The following ADAMTSL1 variants were observed in gnomAD, a reference collection of about 807,000 sequenced individuals.
ADAMTSL1 encodes the protein ADAMTS like 1, also known as ADAMTS-like protein 1.
A neutral mutation model predicts 201.8 loss-of-function variants in ADAMTSL1; 126 were observed. That is an observed-to-expected ratio of 0.62 (90% confidence interval 0.54 to 0.72). ADAMTSL1 has a LOEUF of 0.72. ADAMTSL1 is among the 30% of genes least tolerant of loss of function. The pLI is 0.00. For missense variants in ADAMTSL1, 2,679 were observed against 2,277.8 expected (o/e 1.18, Z -3.59); for synonymous variants, 1,121 against 903.4 (o/e 1.24, Z -4.32).
intron 2 of ADAMTSL1, among the ~76,000 whole-genome samples, chr9:18,276,601 G>T (rs1268871454): frequency 3.9e-5 from 6 of 152,222 alleles, no homozygotes; most frequent in Non-Finnish European, 8.8e-5. Flanking sequence ...AGTTCTGCAG[G>T]CTGTACAAGA....
Position 18,117,033 on chromosome 9 carries a change from A to G in ADAMTSL1, c.88-46829A>G, listed in dbSNP as rs138886006. On this transcript the variant is annotated intron_variant, in intron 1 of 29. Transcript: ENST00000680146. ...CATTTGACTTCTCTTTTTTTCTCAT[A>G]CACCTCATCCAGTTCAGCAAAGAAT... 1.8e-4 allele frequency among the ~76,000 whole-genome samples: 27 copies of G among 152,246 alleles called. 1 individual carries two copies. The highest frequency in any genetic ancestry group is 6.8e-3 in the Middle Eastern group (2 of 294).
chr9:17,976,733 G>A (rs1302713506), intron 1 of ADAMTSL1, among the ~76,000 whole-genome samples: 1 of 62,580 alleles, frequency 1.6e-5, no homozygotes, highest in African/African-American at 6.1e-5. Context: ...CTCCCTCCCT[G>A]CCCCCTGCCT....
At chr9:18,099,569 C>CTG (rs1824424144) in intron 1 of ADAMTSL1, among the ~76,000 whole-genome samples, 1 of 147,906 alleles carries the variant, frequency 6.8e-6, no homozygotes, top group Admixed American at 6.8e-5. Flanking sequence ...TTTTTTTTAC[C>CTG]TGTCTTCAAT....
rs1343135637 is a variant in ADAMTSL1, at chr9:18,890,119, G to A, written c.4643+371G>A. ...AAAGCAATGTCTTTTCAATCGAAGG[G>A]CTGAGGAAACAACGATTACTGGGTT... is the stretch of plus-strand genomic sequence containing the variant. On this transcript the variant is annotated intron_variant, in intron 25 of 28. Transcript: ENST00000380548. 2.0e-5 allele frequency among the ~76,000 whole-genome samples: 3 copies of A among 152,140 alleles called. No individual in the cohort carries two copies. The East Asian group carries it at 5.8e-4, about 29-fold the overall frequency.
At chr9:18,731,178 TC>T (rs1308583461) in intron 15 of ADAMTSL1, among the ~76,000 whole-genome samples, 1 of 152,094 alleles carries the variant, frequency 6.6e-6, no homozygotes, top group Admixed American at 6.6e-5. Context: ...AGCTAAATAT[TC>T]CCCACCAGGA....
At chr9:18,455,519 A>G (rs1820568161) in intron 2 of ADAMTSL1, among the ~76,000 whole-genome samples, 1 of 151,480 alleles carries the variant, frequency 6.6e-6, no homozygotes, top group South Asian at 2.1e-4. Flanking sequence ...TTAAACTCCT[A>G]ATCTTTTTTT....
chr9:18,367,574 T>C (rs1339014080), intron 2 of ADAMTSL1, among the ~76,000 whole-genome samples: 1 of 151,962 alleles, frequency 6.6e-6, no homozygotes, highest in Non-Finnish European at 1.5e-5. Context: ...ATATACTATG[T>C]ATAAATATAT....
At chr9:18,639,885 C>G (rs1404426595) in intron 7 of ADAMTSL1, among the ~76,000 whole-genome samples, 1 of 152,136 alleles carries the variant, frequency 6.6e-6, no homozygotes, top group Non-Finnish European at 1.5e-5. Flanking sequence ...CTTCCCTAGT[C>G]TTCAAGGTAA....
chr9:18,230,160 A>G (rs921795649), intron 2 of ADAMTSL1, among the ~76,000 whole-genome samples: 3 of 152,210 alleles, frequency 2.0e-5, no homozygotes, highest in African/African-American at 7.2e-5. Context: ...GATAAGCAGT[A>G]CAGTAACCCA....
At chr9:18,654,359 T>A (rs1828489323) in intron 7 of ADAMTSL1, among the ~76,000 whole-genome samples, 1 of 152,238 alleles carries the variant, frequency 6.6e-6, no homozygotes, top group Non-Finnish European at 1.5e-5. Flanking sequence ...TATAAAAAGA[T>A]AATGACTCAT....
chr9:18,093,287 C>T (rs1279812781), intron 1 of ADAMTSL1, among the ~76,000 whole-genome samples: 1 of 152,118 alleles, frequency 6.6e-6, no homozygotes, highest in Non-Finnish European at 1.5e-5. Flanking sequence ...GAATTCTTAG[C>T]CCTGTATTTT....
At chr9:18,778,139 C>A (rs1180855368) in intron 19 of ADAMTSL1, among the ~76,000 whole-genome samples, 1 of 152,248 alleles carries the variant, frequency 6.6e-6, no homozygotes, top group East Asian at 1.9e-4. Context: ...GAAATAGCAA[C>A]ATTGCCTACC....
chr9:18,382,060 A>T (rs1186474652), intron 2 of ADAMTSL1, among the ~76,000 whole-genome samples: 2 of 152,182 alleles, frequency 1.3e-5, no homozygotes, highest in Non-Finnish European at 2.9e-5. Context: ...CAAGAGAATG[A>T]TAAAGCAGAC....
At chr9:18,061,888 A>G (rs186400587) in intron 1 of ADAMTSL1, among the ~76,000 whole-genome samples, 1 of 152,322 alleles carries the variant, frequency 6.6e-6, no homozygotes, top group East Asian at 1.9e-4. Context: ...GGCATCTTCA[A>G]TTTTCAATAG....
At chr9:18,409,837 T>C (rs1282536108) in intron 2 of ADAMTSL1, among the ~76,000 whole-genome samples, 1 of 150,180 alleles carries the variant, frequency 6.7e-6, no homozygotes, top group African/African-American at 2.4e-5. Context: ...TTTATATATG[T>C]ACCTATACTA....
At chr9:18,867,393 T>G (rs1378908958) in intron 23 of ADAMTSL1, among the ~76,000 whole-genome samples, 2 of 152,202 alleles carry the variant, frequency 1.3e-5, no homozygotes. Context: ...GCAAAGTATG[T>G]AAAAGCAATT....
intron 1 of ADAMTSL1, among the ~76,000 whole-genome samples, chr9:18,482,019 T>C (rs1422123729): frequency 1.3e-5 from 2 of 152,210 alleles, no homozygotes; most frequent in Non-Finnish European, 2.9e-5. Flanking sequence ...TAGATTCCAT[T>C]TGGAATTATA....
intron 2 of ADAMTSL1, among the ~76,000 whole-genome samples, chr9:18,510,354 A>C (rs1321790528): frequency 6.6e-6 from 1 of 152,190 alleles, no homozygotes; most frequent in Non-Finnish European, 1.5e-5. Context: ...GATCTTTTGA[A>C]GGTTCTAGAA....
At chr9:18,385,967 G>C (rs1837774616) in intron 2 of ADAMTSL1, among the ~76,000 whole-genome samples, 1 of 152,138 alleles carries the variant, frequency 6.6e-6, no homozygotes, top group South Asian at 2.1e-4. Context: ...TCCAAGCTCA[G>C]ATGATAGTAA....
Sources: allele counts gnomAD v4.1 joint callset (sites outside exome capture counted in the v4.1 genomes callset), GRCh38; gene constraint gnomAD v4.1.1; transcripts MANE v1.5; gene names NCBI Gene and HGNC (gene_info 2026-07-23, HGNC 2026-07-21).